DAOA: variants seen among roughly 807,000 people sequenced by gnomAD.
The protein encoded by DAOA is D-amino acid oxidase activator.
In DAOA, 15 loss-of-function variants were observed where a neutral mutation model predicts 16.4. That is an observed-to-expected ratio of 0.91 (90% CI 0.61 to 1.41). The LOEUF (loss-of-function observed/expected upper bound fraction) is 1.41. Ranked by LOEUF, DAOA falls within the 40% of genes most tolerant of loss-of-function variation. The probability of loss-of-function intolerance (pLI) is 0.00; values close to 1 mark genes in which losing one functional copy is unlikely to be tolerated. For synonymous variants in DAOA, 75 were observed against 59.1 expected (o/e 1.27, Z -1.23); for missense variants, 230 against 176.8 (o/e 1.30, Z -1.71).
chr13:105,484,304 C>G (rs532333062), intron 4 of DAOA, among the ~76,000 whole-genome samples: 13 of 151,980 alleles, frequency 8.6e-5, no homozygotes, highest in Non-Finnish European at 1.5e-4. Flanking sequence ...AAAAGTGTTA[C>G]AGCTGTAACA....
intron 4 of DAOA, 157 bp from the exon 5 acceptor site, chr13:105,489,744 C>A (rs1156321457): frequency 3.3e-6 from 5 of 1,505,684 alleles, no homozygotes; most frequent in South Asian, 1.3e-5. Context: ...ATCTTGACTT[C>A]TTGGTGGTCA....
Position 105,482,104 on chromosome 13 carries a change from A to G in DAOA, c.282-7797A>G, listed in dbSNP as rs370114586. Among the ~76,000 whole-genome samples, 18 of 152,234 alleles carry G rather than the reference A, an allele frequency of 1.2e-4. No homozygotes were observed. The East Asian group carries it at 1.9e-3, about 16-fold the overall frequency. ...CTCATGAGACTTATTCACTATCACA[A>G]GAACAGCACAGGAAAGACCTGCCCC... On this transcript the variant is annotated intron_variant, in intron 4 of 5. Transcript: ENST00000375936.
intron 4 of DAOA, among the ~76,000 whole-genome samples, chr13:105,478,932 T>C (rs957107199): frequency 2.0e-5 from 3 of 152,198 alleles, no homozygotes; most frequent in Admixed American, 2.0e-4. Flanking sequence ...GTCTACTCAT[T>C]TGTGTTGCTT....
chr13:105,485,343 G>A (rs536218690), intron 4 of DAOA, among the ~76,000 whole-genome samples: 4 of 152,140 alleles, frequency 2.6e-5, no homozygotes, highest in East Asian at 3.9e-4. Flanking sequence ...TACTTGATCC[G>A]TTGGATTTTG....
intron 3 of DAOA, among the ~76,000 whole-genome samples, 184 bp from the exon 4 acceptor site, chr13:105,472,354 G>A (rs1228656892): frequency 4.6e-5 from 7 of 152,164 alleles, no homozygotes; most frequent in Admixed American, 3.3e-4. Context: ...AAACACAGAT[G>A]TATATTTCAA....
At chr13:105,480,609 G>A (rs893143381) in intron 4 of DAOA, among the ~76,000 whole-genome samples, 5 of 152,052 alleles carry the variant, frequency 3.3e-5, no homozygotes, top group Admixed American at 6.6e-5. Context: ...TATAGAGACT[G>A]AAAAGCCTCC....
Position 105,490,211 on chromosome 13 carries a change from T to A in DAOA, c.*111+19T>A. 1 of 1,087,176 alleles carries A rather than the reference T, an allele frequency of 9.2e-7. No individual in the cohort carries two copies. The highest frequency in any genetic ancestry group is 1.2e-6 in the Non-Finnish European group (1 of 861,174). 67.3% of individuals were successfully genotyped at this position (1,087,176 alleles called of 1,614,324 possible). On this transcript the variant is annotated intron_variant, in intron 5 of 5. Transcript: ENST00000375936. Reference sequence around the variant, plus strand: ...ACACGTGGTAATATGTTTTATAAAATTATATTTTTATGAATATTTTTATGA... The same window carrying A: ...ACACGTGGTAATATGTTTTATAAAAATATATTTTTATGAATATTTTTATGA...
intron 3 of DAOA, among the ~76,000 whole-genome samples, chr13:105,470,544 A>G (rs988935103): frequency 6.6e-6 from 1 of 152,198 alleles, no homozygotes; most frequent in Non-Finnish European, 1.5e-5. Context: ...TAGAAATTCT[A>G]CATACATAAA....
rs576752219 is a variant in DAOA at position 105,472,420 on chromosome 13, A to G, written c.134-118A>G. On this transcript the variant is annotated intron_variant, in intron 3 of 5. Coordinates refer to ENST00000375936, the MANE Select transcript of DAOA (RefSeq NM_172370.5). Reference sequence around the variant, plus strand: ...ATTTTGTCTTAACCAAAAACCTCTGAAAAATTAAGTAAAATGGACAATTCC... The same window carrying G: ...ATTTTGTCTTAACCAAAAACCTCTGGAAAATTAAGTAAAATGGACAATTCC... The G allele has an allele frequency of 4.6e-4, 643 of 1,387,414 alleles. 1 individual carries two copies. The highest frequency in any genetic ancestry group is 6.6e-4 in the Middle Eastern group (3 of 4,558). 85.9% of individuals were successfully genotyped at this position (1,387,414 alleles called of 1,614,324 possible).
At chr13:105,466,403 C>A (rs1020951222) in intron 2 of DAOA, 71 bp downstream of exon 2, 48 of 1,607,906 alleles carry the variant, frequency 3.0e-5, no homozygotes, top group Non-Finnish European at 3.8e-5. Context: ...CAGCACAGAG[C>A]TCCCAGGGTG....
intron 4 of DAOA, among the ~76,000 whole-genome samples, chr13:105,481,733 C>T (rs1935063): frequency 6.6e-6 from 1 of 152,058 alleles, no homozygotes; most frequent in Non-Finnish European, 1.5e-5. Context: ...TTTCTCTCTC[C>T]CTTGTATCCT....
At chr13:105,488,592 A>G (rs1342694854) in intron 4 of DAOA, among the ~76,000 whole-genome samples, 1 of 152,234 alleles carries the variant, frequency 6.6e-6, no homozygotes, top group Non-Finnish European at 1.5e-5. Context: ...TCCTCCACAG[A>G]GGCCTCTAAC....
intron 4 of DAOA, among the ~76,000 whole-genome samples, chr13:105,485,911 G>C (rs9558570): frequency 0.33 from 50,453 of 152,030 alleles, 10,079 homozygotes; most frequent in East Asian, 0.59. Flanking sequence ...CAAACTGGGA[G>C]AGAATAGATT....
intron 4 of DAOA, among the ~76,000 whole-genome samples, chr13:105,486,536 G>A (rs1412980077): frequency 6.6e-6 from 1 of 151,962 alleles, no homozygotes; most frequent in Non-Finnish European, 1.5e-5. Flanking sequence ...TGAATAAGAC[G>A]TAGTACAAAA....
intron 3 of DAOA, among the ~76,000 whole-genome samples, chr13:105,470,662 T>C (rs964077491): frequency 2.6e-5 from 4 of 152,162 alleles, no homozygotes; most frequent in Non-Finnish European, 5.9e-5. Context: ...CAGGCTGGAG[T>C]GCAGTGGTGC....
intron 4 of DAOA, among the ~76,000 whole-genome samples, chr13:105,487,656 A>C (rs2139206111): frequency 6.6e-6 from 1 of 152,222 alleles, no homozygotes; most frequent in East Asian, 1.9e-4. Flanking sequence ...AATAATCATT[A>C]TTTGAAGTGA....
At chr13:105,474,957 T>C (rs1229505035) in intron 4 of DAOA, 15 of 930,088 alleles carry the variant, frequency 1.6e-5, no homozygotes, top group Non-Finnish European at 1.9e-5. Context: ...TGAACGAACA[T>C]TCACCTCATT....
chr13:105,490,255 T>C (rs1878425764), intron 5 of DAOA, 63 bp downstream of exon 5: 3 of 824,732 alleles, frequency 3.6e-6, no homozygotes, highest in Non-Finnish European at 4.6e-6. Flanking sequence ...TTTTATGAAT[T>C]ATATTTTTAT....
chr13:105,487,539 C>G (rs538602173), intron 4 of DAOA, among the ~76,000 whole-genome samples: 1 of 149,428 alleles, frequency 6.7e-6, no homozygotes, highest in East Asian at 2.0e-4. Flanking sequence ...CAAAATATAC[C>G]TAAATGTGTT....
Sources: allele counts gnomAD v4.1 joint callset (sites outside exome capture counted in the v4.1 genomes callset), GRCh38; gene constraint gnomAD v4.1.1; transcripts MANE v1.5; gene names NCBI Gene and HGNC (gene_info 2026-07-23, HGNC 2026-07-21).